TMEM217: variants seen among roughly 807,000 people sequenced by gnomAD.
The protein encoded by TMEM217 is transmembrane protein 217.
For synonymous variants in TMEM217, 76 were observed against 88.3 expected (o/e 0.86, Z 0.78); for missense variants, 204 against 248.8 (o/e 0.82, Z 1.21).
downstream of TMEM217, chr6:37,212,643 C>G: frequency 1.8e-6 from 1 of 541,204 alleles, no homozygotes; most frequent in Non-Finnish European, 3.6e-6. Flanking sequence ...CTTTGATGAT[C>G]CCGTTGAGGA....
intron 1 of TMEM217, among the ~76,000 whole-genome samples, chr6:37,228,184 C>T (rs1763953365): frequency 6.6e-6 from 1 of 151,868 alleles, no homozygotes; most frequent in African/African-American, 2.4e-5. Context: ...TCACTTGAGC[C>T]CAGGAATTTG....
At chr6:37,227,070 G>C (rs780205227) in intron 1 of TMEM217, among the ~76,000 whole-genome samples, 5 of 152,164 alleles carry the variant, frequency 3.3e-5, no homozygotes, top group African/African-American at 7.2e-5. Context: ...GCAAAATTAG[G>C]ATTTGAACTC....
exon 1 of TMEM217, chr6:37,257,962 G>A (rs1250953679): frequency 1.4e-5 from 22 of 1,614,164 alleles, no homozygotes; most frequent in East Asian, 1.1e-4. Context: ...GGAGCGCTAA[G>A]CTGCCGGGGA....
chr6:37,213,377 T>C (rs1763011606), downstream of TMEM217, among the ~76,000 whole-genome samples: 1 of 152,238 alleles, frequency 6.6e-6, no homozygotes, highest in Admixed American at 6.5e-5. Context: ...TTTGCTTCTC[T>C]GAAGTCAGAA....
downstream of TMEM217, chr6:37,215,072 C>T: frequency 1.6e-6 from 2 of 1,271,878 alleles, no homozygotes; most frequent in Admixed American, 2.4e-5. Context: ...GGTTCCACAG[C>T]TCTGCTGCCC....
chr6:37,215,805 C>G (rs1394281650), downstream of TMEM217, among the ~76,000 whole-genome samples: 1 of 151,916 alleles, frequency 6.6e-6, no homozygotes, highest in African/African-American at 2.4e-5. Flanking sequence ...GACTTCACCC[C>G]CAGCAAAGGA....
chr6:37,243,900 G>A (rs1180575735), intron 1 of TMEM217, among the ~76,000 whole-genome samples: 3 of 152,158 alleles, frequency 2.0e-5, no homozygotes, highest in East Asian at 1.9e-4. Context: ...GCACAGGACC[G>A]GTTCAGTCAG....
At chr6:37,252,837 G>C (rs1272237357) in intron 1 of TMEM217, among the ~76,000 whole-genome samples, 2 of 151,166 alleles carry the variant, frequency 1.3e-5, no homozygotes, top group African/African-American at 4.9e-5. Context: ...ATGGGGTTTT[G>C]TCATGTTGCC....
downstream of TMEM217, among the ~76,000 whole-genome samples, chr6:37,214,915 G>T (rs556248306): frequency 6.6e-6 from 1 of 152,130 alleles, no homozygotes; most frequent in Non-Finnish European, 1.5e-5. Flanking sequence ...ACCTCTGCTC[G>T]GTTCACAGCG....
At chr6:37,218,528 C>T (rs778998099) in exon 2 of TMEM217, 12 of 1,613,920 alleles carry the variant, frequency 7.4e-6, no homozygotes, top group Non-Finnish European at 1.0e-5. Context: ...TGTAGAAATT[C>T]GTCTCTTGTA....
chr6:37,216,016 T>TGTGC (rs1353249443), downstream of TMEM217, among the ~76,000 whole-genome samples: 1 of 150,632 alleles, frequency 6.6e-6, no homozygotes. Context: ...TGTGTGTGTG[T>TGTGC]GTGTGTGTGT....
intron 1 of TMEM217, among the ~76,000 whole-genome samples, chr6:37,245,347 T>C (rs576092278): frequency 1.3e-5 from 2 of 152,362 alleles, no homozygotes; most frequent in South Asian, 2.1e-4. Flanking sequence ...ATGTTGCTGT[T>C]GCCACAGCTA....
downstream of TMEM217, chr6:37,213,139 G>A (rs544661159): frequency 9.4e-6 from 6 of 640,114 alleles, no homozygotes; most frequent in African/African-American, 1.1e-4. Flanking sequence ...TAAGGGACAT[G>A]GGGTCTGGCC....
At chr6:37,255,764 T>A (rs1765685015) in intron 1 of TMEM217, among the ~76,000 whole-genome samples, 1 of 151,784 alleles carries the variant, frequency 6.6e-6, no homozygotes, top group Non-Finnish European at 1.5e-5. Flanking sequence ...GGGAGCCGAA[T>A]AGCAGGCTGC....
At position 37,220,487 on chromosome 6, in the gene TMEM217, A is replaced by G. The variant is rs1187791000; in HGVS notation, c.-11-1446T>C. ...AAACTCCAAGAAAAGTTGGCTTGTT[A>G]ACTACACTGAGCAGGTGGGGAGAAA... On this transcript the variant is annotated intron_variant, in intron 1 of 1. Transcript: ENST00000357219. Among the ~76,000 whole-genome samples, 4 of 152,188 alleles carry G rather than the reference A, an allele frequency of 2.6e-5. No homozygotes were observed. The East Asian group carries it at 7.7e-4, about 29-fold the overall frequency.
intron 1 of TMEM217, among the ~76,000 whole-genome samples, chr6:37,252,984 A>T (rs1765529043): frequency 6.6e-6 from 1 of 152,138 alleles, no homozygotes; most frequent in Non-Finnish European, 1.5e-5. Context: ...ATTAAAGAAA[A>T]GTTCCAGAAG....
intron 1 of TMEM217, among the ~76,000 whole-genome samples, chr6:37,241,871 T>G (rs1387427338): frequency 6.6e-6 from 1 of 152,224 alleles, no homozygotes; most frequent in Non-Finnish European, 1.5e-5. Flanking sequence ...TGGCTTTGTA[T>G]GTAACCGTGT....
intron 1 of TMEM217, among the ~76,000 whole-genome samples, chr6:37,229,602 A>G (rs941339939): frequency 1.1e-4 from 16 of 152,038 alleles, no homozygotes; most frequent in African/African-American, 3.9e-4. Flanking sequence ...TCCGCCTCCC[A>G]AAGTGCTGGG....
intron 1 of TMEM217, among the ~76,000 whole-genome samples, chr6:37,224,663 CCAGG>C (rs1234360225): frequency 2.6e-5 from 4 of 151,806 alleles, no homozygotes; most frequent in Non-Finnish European, 5.9e-5. Context: ...GCCATGTTAC[CCAGG>C]CTGGTCTCAA....
Sources: gnomAD v4.1 joint callset for allele counts (sites outside exome capture counted in the v4.1 genomes callset) on GRCh38, gnomAD v4.1.1 for gene constraint, MANE v1.5 for transcripts, NCBI Gene and HGNC (gene_info 2026-07-23, HGNC 2026-07-21) for gene names.